The following ELAVL2 variants were observed in gnomAD, a reference collection of about 807,000 sequenced individuals.
ELAVL2 encodes the protein ELAV like RNA binding protein 2.
In ELAVL2, 4 loss-of-function variants were observed where a neutral mutation model predicts 34.6. The ratio of observed to expected loss-of-function variants is 0.12; its 90% CI spans 0.06 to 0.26. The LOEUF is 0.26. Ranked by LOEUF, ELAVL2 falls within the 10% of genes least tolerant of loss-of-function variation. The pLI, the probability that ELAVL2 is intolerant of heterozygous loss-of-function variation, is 1.00. For synonymous variants in ELAVL2, 193 were observed against 154.8 expected (o/e 1.25, Z -1.83); for missense variants, 432 against 442.8 (o/e 0.98, Z 0.22).
At chr9:23,804,148 T>C (rs2061913316) in intron 1 of ELAVL2, among the ~76,000 whole-genome samples, 1 of 152,084 alleles carries the variant, frequency 6.6e-6, no homozygotes, top group Non-Finnish European at 1.5e-5. Context: ...CAGAACTGTT[T>C]AAAAGATGGA....
chr9:23,738,297 C>T (rs148527584), intron 2 of ELAVL2, among the ~76,000 whole-genome samples: 1 of 152,314 alleles, frequency 6.6e-6, no homozygotes, highest in East Asian at 1.9e-4. Context: ...CGTTTTTCTC[C>T]ACATTTTAAT....
At chr9:23,725,905 T>G (rs542966195) in intron 3 of ELAVL2, among the ~76,000 whole-genome samples, 1 of 152,236 alleles carries the variant, frequency 6.6e-6, no homozygotes, top group African/African-American at 2.4e-5. Flanking sequence ...ATGAAAATTC[T>G]CAGTGATGAA....
At chr9:23,715,285 A>C (rs1430011309) in intron 3 of ELAVL2, among the ~76,000 whole-genome samples, 1 of 152,156 alleles carries the variant, frequency 6.6e-6, no homozygotes, top group African/African-American at 2.4e-5. Flanking sequence ...AGTAGCTGGG[A>C]ACACAGGCGC....
chr9:23,767,001 G>T (rs1177092753), intron 1 of ELAVL2, among the ~76,000 whole-genome samples: 1 of 152,152 alleles, frequency 6.6e-6, no homozygotes. Flanking sequence ...CATCACTTGT[G>T]CCAATTCAGA....
At chr9:23,759,099 A>C (rs1454096379) in intron 2 of ELAVL2, among the ~76,000 whole-genome samples, 1 of 152,086 alleles carries the variant, frequency 6.6e-6, no homozygotes, top group Non-Finnish European at 1.5e-5. Flanking sequence ...TCAATTTGTC[A>C]AAAGGGATGC....
the ELAVL2 span, among the ~76,000 whole-genome samples, chr9:23,844,523 C>T: frequency 1.2e-4 from 18 of 151,970 alleles, no homozygotes; most frequent in South Asian, 2.1e-3. Flanking sequence ...GCAATCTTAG[C>T]TCTAATTATC....
At chr9:23,782,045 T>C (rs1272301484) in intron 1 of ELAVL2, among the ~76,000 whole-genome samples, 2 of 152,084 alleles carry the variant, frequency 1.3e-5, no homozygotes, top group African/African-American at 4.8e-5. Context: ...GGTCTCAAAC[T>C]CCTAGGTTCA....
chr9:23,725,024 G>A (rs2044719206), intron 3 of ELAVL2, among the ~76,000 whole-genome samples: 1 of 152,052 alleles, frequency 6.6e-6, no homozygotes, highest in Non-Finnish European at 1.5e-5. Flanking sequence ...CTTTGTAGAC[G>A]ATGATTTATA....
At chr9:23,806,719 G>A (rs2062272520) in intron 1 of ELAVL2, among the ~76,000 whole-genome samples, 1 of 152,036 alleles carries the variant, frequency 6.6e-6, no homozygotes, top group Non-Finnish European at 1.5e-5. Flanking sequence ...GTAGTTGAAA[G>A]TAACATTTAA....
At chr9:23,717,449 T>C (rs2133933796) in intron 3 of ELAVL2, among the ~76,000 whole-genome samples, 1 of 152,346 alleles carries the variant, frequency 6.6e-6, no homozygotes, top group Middle Eastern at 3.4e-3. Flanking sequence ...AATCAAATTT[T>C]CCTGCCAATC....
At chr9:23,698,539 C>A (rs946518653) in intron 5 of ELAVL2, among the ~76,000 whole-genome samples, 10 of 152,086 alleles carry the variant, frequency 6.6e-5, no homozygotes, top group African/African-American at 2.4e-4. Context: ...CTCTCAACTC[C>A]CAAGGTACTA....
At chr9:23,718,507 A>T (rs923800040) in intron 3 of ELAVL2, among the ~76,000 whole-genome samples, 3 of 152,212 alleles carry the variant, frequency 2.0e-5, no homozygotes, top group Non-Finnish European at 1.5e-5. Flanking sequence ...AAAAGCAGTA[A>T]CAGCAAACAC....
At position 23,701,631 on chromosome 9, in the gene ELAVL2, G is replaced by GA. The variant is rs528797635; in HGVS notation, c.488-28dup. On this transcript the variant is annotated intron_variant, in intron 4 of 6. Coordinates refer to ENST00000397312, the MANE Select transcript of ELAVL2 (RefSeq NM_004432.5). ...TATGGTAGATTTGAGTAAAGATTTG[G>GA]AAAAGAGGGAACAGAAGGAGAAGGG... 608 of 1,606,072 alleles carry GA rather than the reference G, an allele frequency of 3.8e-4. 5 individuals carry two copies. In the East Asian group the frequency reaches 0.012, roughly 33 times the overall value.
At chr9:23,831,583 A>T in the ELAVL2 span, 1 of 152,272 alleles carries the variant, frequency 6.6e-6, no homozygotes, top group Admixed American at 6.5e-5. Context: ...TCCTCAACAG[A>T]TAATCACTTG....
intron 6 of ELAVL2, 106 bp downstream of exon 6, chr9:23,693,342 T>C (rs994402870): frequency 3.5e-6 from 5 of 1,427,466 alleles, no homozygotes; most frequent in Admixed American, 2.0e-5. Flanking sequence ...ACATGCAAAA[T>C]AAAACCCAAC....
chr9:23,736,862 C>G (rs1340822252), intron 2 of ELAVL2, among the ~76,000 whole-genome samples: 1 of 152,036 alleles, frequency 6.6e-6, no homozygotes, highest in African/African-American at 2.4e-5. Context: ...GTTTTTTGCT[C>G]ACTTCTACTT....
At chr9:23,805,618 G>GAGA (rs2062112040) in intron 1 of ELAVL2, among the ~76,000 whole-genome samples, 1 of 152,234 alleles carries the variant, frequency 6.6e-6, no homozygotes, top group African/African-American at 2.4e-5. Context: ...TATACCACAG[G>GAGA]AGAACCTGGC....
At chr9:23,792,888 G>A (rs557424391) in intron 1 of ELAVL2, among the ~76,000 whole-genome samples, 3 of 151,882 alleles carry the variant, frequency 2.0e-5, no homozygotes, top group East Asian at 3.9e-4. Flanking sequence ...CTCCCCCGTC[G>A]GCCTTCCAAG....
chr9:23,844,553 A>C, the ELAVL2 span, among the ~76,000 whole-genome samples: 1 of 152,040 alleles, frequency 6.6e-6, no homozygotes, highest in Non-Finnish European at 1.5e-5. Context: ...GGATCGTGGT[A>C]GTATTTTAGA....
Sources: gnomAD v4.1 joint callset for allele counts (sites outside exome capture counted in the v4.1 genomes callset) on GRCh38, gnomAD v4.1.1 for gene constraint, MANE v1.5 for transcripts, NCBI Gene and HGNC (gene_info 2026-07-23, HGNC 2026-07-21) for gene names.